Variants in P2RY12 observed in about 807,000 individuals in gnomAD.
The protein encoded by P2RY12 is purinergic receptor P2Y12, also known as P2Y purinoceptor 12.
A neutral mutation model predicts 4.5 loss-of-function variants in P2RY12; 3 were observed. That is an observed-to-expected ratio of 0.67 (90% CI 0.31 to 1.74). P2RY12 has a LOEUF of 1.74. Among genes scored for constraint, P2RY12 ranks in the 40% most tolerant of loss-of-function variants. The pLI is 0.09. For missense variants in P2RY12, 356 were observed against 407.8 expected (o/e 0.87, Z 1.09); for synonymous variants, 148 against 154.1 (o/e 0.96, Z 0.29).
chr3:151,372,825 T>G, intron 1 of P2RY12: 3 of 1,355,054 alleles, frequency 2.2e-6, no homozygotes, highest in Non-Finnish European at 2.1e-6. Flanking sequence ...TGGAGAGAGC[T>G]ACTTACACTT....
intron 1 of P2RY12, chr3:151,382,631 T>G: frequency 6.4e-7 from 1 of 1,563,318 alleles, no homozygotes; most frequent in African/African-American, 1.4e-5. Context: ...TAAACTTTAA[T>G]GGGGAGTTTT....
chr3:151,357,433 T>C lies in P2RY12; in HGVS notation c.-179-16673A>G. 6 of 1,451,398 alleles carry C rather than the reference T, an allele frequency of 4.1e-6. No individual in the cohort carries two copies. The South Asian group carries it at 8.6e-5, about 21-fold the overall frequency. 89.9% of individuals were successfully genotyped at this position (1,451,398 alleles called of 1,614,324 possible). On this transcript the variant is annotated intron_variant, in intron 1 of 2. Transcript: ENST00000302632. The stretch of plus-strand genomic sequence containing the variant: ...CAATCTCAGAATGTATAACTAGTGA[T>C]GAAATATTATAGTGGCTTTAAAAGA...
At position 151,357,867 on chromosome 3, in the gene P2RY12, G is replaced by T. The variant is rs564151760; in HGVS notation, c.-179-17107C>A. 5.6e-4 allele frequency among the ~76,000 whole-genome samples: 85 copies of T among 152,232 alleles called. 1 individual carries two copies. Among genetic ancestry groups the T allele is most frequent in the Non-Finnish European group, 1.3e-4 (9 of 68,022 alleles). ...CAAATTACTTCATTTTCAGTTGTAG[G>T]CTGGGGCTTACTCTACTAATGAAGT... On this transcript the variant is annotated intron_variant, in intron 1 of 2. Transcript: ENST00000302632.
rs1178392464 is a variant in P2RY12 at position 151,337,624 on chromosome 3, A to G, written c.*193T>C. 3.3e-6 allele frequency: 2 copies of G among 604,290 alleles called. No individual in the cohort carries two copies. The highest frequency in any genetic ancestry group is 5.7e-6 in the Non-Finnish European group (2 of 350,826). 37.4% of individuals were successfully genotyped at this position (604,290 alleles called of 1,614,324 possible). On this transcript the variant is annotated 3_prime_UTR_variant, in exon 3 of 3. Coordinates refer to ENST00000302632, the MANE Select transcript of P2RY12 (RefSeq NM_022788.5). ...TGCTGCTAATACAGCTACAGTTTAG[A>G]TTAGTTTTCTATATTTTAAGATAGC...
At chr3:151,357,158 TTTCTC>T in intron 1 of P2RY12, 1 of 1,392,696 alleles carries the variant, frequency 7.2e-7, no homozygotes, top group Non-Finnish European at 9.8e-7. Context: ...AAATAAATGT[TTTCTC>T]TATTTGTTTT....
intron 1 of P2RY12, chr3:151,355,059 A>G: frequency 2.4e-6 from 3 of 1,233,288 alleles, no homozygotes; most frequent in South Asian, 2.5e-5. Flanking sequence ...AAAAGTATCC[A>G]TTAAAAATGT....
intron 1 of P2RY12, among the ~76,000 whole-genome samples, chr3:151,382,989 C>T (rs1484327054): frequency 6.6e-6 from 1 of 152,174 alleles, no homozygotes; most frequent in Non-Finnish European, 1.5e-5. Context: ...TCTACCTCTA[C>T]CCCAGTGAAT....
chr3:151,338,095 G>A lies in P2RY12; in HGVS notation c.751C>T (p.Pro251Ser). The A allele has an allele frequency of 6.2e-7, 1 of 1,613,958 alleles. No homozygotes were observed. The highest frequency in any genetic ancestry group is 8.5e-7 in the Non-Finnish European group (1 of 1,179,960). Residue 251 changes from proline (P) to serine (S), a missense_variant, in exon 3 of 3, where the codon CCT (proline) becomes TCT (serine). Transcript: ENST00000302632. ...IIAVFFICFV[P>S]FHFARIPYTL... ...TAAGGAATTCGGGCAAAATGGAAAGGAACAAAACAAATAAAGAATACAGCA... is the reference window on the plus strand; with the variant it reads ...TAAGGAATTCGGGCAAAATGGAAAGAAACAAAACAAATAAAGAATACAGCA...
intron 1 of P2RY12, among the ~76,000 whole-genome samples, chr3:151,358,692 A>G (rs1754239715): frequency 6.6e-6 from 1 of 152,066 alleles, no homozygotes; most frequent in Admixed American, 6.6e-5. Flanking sequence ...ACTTTGTTGT[A>G]TTTTTACCTT....
chr3:151,337,757 C>G lies in P2RY12; in HGVS notation c.*60G>C. The G allele has an allele frequency of 6.6e-7, 1 of 1,521,046 alleles. No individual in the cohort carries two copies. Among genetic ancestry groups the G allele is most frequent in the Non-Finnish European group, 9.1e-7 (1 of 1,101,598 alleles). The allele number at this position is 1,521,046 out of a possible 1,614,324, so 94.2% of individuals were successfully genotyped here. On this transcript the variant is annotated 3_prime_UTR_variant, in exon 3 of 3. Coordinates refer to ENST00000302632, the MANE Select transcript of P2RY12 (RefSeq NM_022788.5). The stretch of plus-strand genomic sequence containing the variant: ...TTCGTCAGTTAATATTTTTACTTAG[C>G]GCTTTGCTTTAACGAGTTCTGAACA...
intron 1 of P2RY12, among the ~76,000 whole-genome samples, chr3:151,377,544 C>T (rs1256029488): frequency 1.3e-5 from 2 of 152,092 alleles, no homozygotes; most frequent in Admixed American, 1.3e-4. Flanking sequence ...GAATTAGAAC[C>T]AGTAGGCATA....
At chr3:151,349,253 G>GAA (rs139597859) in intron 1 of P2RY12, among the ~76,000 whole-genome samples, 1 of 152,008 alleles carries the variant, frequency 6.6e-6, no homozygotes, top group African/African-American at 2.4e-5. Context: ...CCCACGTGGG[G>GAA]AAAAAAATGG....
intron 1 of P2RY12, among the ~76,000 whole-genome samples, chr3:151,377,495 A>G (rs556156476): frequency 1.8e-4 from 27 of 152,308 alleles, no homozygotes; most frequent in African/African-American, 6.3e-4. Context: ...TTTATTAATT[A>G]ATTATTTTGC....
At chr3:151,355,361 G>A in intron 1 of P2RY12, 1 of 634,546 alleles carries the variant, frequency 1.6e-6, no homozygotes, top group East Asian at 2.8e-5. Flanking sequence ...AACATACTTG[G>A]AAGTATCTCA....
In P2RY12 at chr3:151,377,162, A is replaced by G. The variant is rs532990430; in HGVS notation, c.-180+7530T>C. On this transcript the variant is annotated intron_variant, in intron 1 of 2. Coordinates refer to ENST00000302632, the MANE Select transcript of P2RY12 (RefSeq NM_022788.5). ...TACAAGTAGCACGAGACAGAATGGA[A>G]TAAAGACATTCCTAAGGTATTTTTG... The G allele has an allele frequency of 4.3e-6, 7 of 1,610,080 alleles. No individual in the cohort carries two copies. The African/African-American group carries it at 6.7e-5, about 15-fold the overall frequency.
intron 1 of P2RY12, among the ~76,000 whole-genome samples, chr3:151,348,295 C>T (rs1752774865): frequency 6.7e-6 from 1 of 148,296 alleles, no homozygotes; most frequent in Non-Finnish European, 1.5e-5. Context: ...TATTAGTGCC[C>T]CCCTGTTTCC....
chr3:151,363,521 A>G (rs1291493913), intron 1 of P2RY12, among the ~76,000 whole-genome samples: 1 of 152,170 alleles, frequency 6.6e-6, no homozygotes, highest in African/African-American at 2.4e-5. Flanking sequence ...GGTTATTTCC[A>G]TCAAGAGCTT....
intron 1 of P2RY12, among the ~76,000 whole-genome samples, chr3:151,370,573 G>A (rs1174588837): frequency 6.6e-6 from 1 of 152,182 alleles, no homozygotes; most frequent in Non-Finnish European, 1.5e-5. Flanking sequence ...CCTCCTCTGA[G>A]TGTAGGCGCT....
Position 151,382,109 on chromosome 3 carries a change from A to G in P2RY12, c.-180+2583T>C, listed in dbSNP as rs1021958783. ...GTGTGAGTCAGTGAGGAAGTGAAGA[A>G]GCAGCCCACTTTATAAACTGATAAA... On this transcript the variant is annotated intron_variant, in intron 1 of 2. Coordinates refer to ENST00000302632, the MANE Select transcript of P2RY12 (RefSeq NM_022788.5). 3.3e-5 allele frequency among the ~76,000 whole-genome samples: 5 copies of G among 152,192 alleles called. 1 individual carries two copies. Among genetic ancestry groups the G allele is most frequent in the Admixed American group, 1.3e-4 (2 of 15,284 alleles).
Sources: gnomAD v4.1 joint callset for allele counts (sites outside exome capture counted in the v4.1 genomes callset) on GRCh38, gnomAD v4.1.1 for gene constraint, MANE v1.5 for transcripts, NCBI Gene and HGNC (gene_info 2026-07-23, HGNC 2026-07-21) for gene names.